GPHN: variants seen among roughly 807,000 people sequenced by gnomAD.
The protein encoded by GPHN is gephyrin.
Under a neutral mutation model 95.5 loss-of-function variants are expected in GPHN, and 17 were observed. The observed-to-expected ratio is 0.18, with a 90% confidence interval of 0.12 to 0.27. The LOEUF (loss-of-function observed/expected upper bound fraction) is 0.27. Among genes scored for constraint, GPHN ranks in the 10% least tolerant of loss-of-function variants. The probability of loss-of-function intolerance (pLI) is 1.00; values close to 1 mark genes in which losing one functional copy is unlikely to be tolerated. For synonymous variants in GPHN, 320 were observed against 322.5 expected (o/e 0.99, Z 0.08); for missense variants, 660 against 978.1 (o/e 0.67, Z 4.34).
chr14:67,280,820 C>A, the GPHN span, among the ~76,000 whole-genome samples: 278 of 125,824 alleles, frequency 2.2e-3, no homozygotes, highest in Non-Finnish European at 3.5e-3. Flanking sequence ...TCCTTCCTTC[C>A]TTCCTTCCTT....
intron 3 of GPHN, among the ~76,000 whole-genome samples, chr14:66,802,103 A>C (rs1240680392): frequency 6.6e-6 from 1 of 152,168 alleles, no homozygotes; most frequent in Non-Finnish European, 1.5e-5. Context: ...TCCAGGAGCC[A>C]GGGACTGAAG....
At chr14:66,727,763 T>G (rs1351390396) in intron 2 of GPHN, among the ~76,000 whole-genome samples, 1 of 152,120 alleles carries the variant, frequency 6.6e-6, no homozygotes, top group Non-Finnish European at 1.5e-5. Flanking sequence ...AAACAGAACA[T>G]AAAAGTTTGG....
At chr14:67,022,839 C>T (rs940678362) in intron 9 of GPHN, among the ~76,000 whole-genome samples, 5 of 151,734 alleles carry the variant, frequency 3.3e-5, no homozygotes, top group African/African-American at 1.2e-4. Context: ...AGCTTAAATA[C>T]AGTTTCTTTT....
chr14:67,603,400 A>G, the GPHN span, among the ~76,000 whole-genome samples: 2 of 152,282 alleles, frequency 1.3e-5, no homozygotes, highest in South Asian at 4.1e-4. Flanking sequence ...ATAGAGTTAT[A>G]GAAAGAAAAA....
chr14:67,693,067 G>A, the GPHN span: 1 of 1,569,112 alleles, frequency 6.4e-7, no homozygotes, highest in East Asian at 2.3e-5. Flanking sequence ...AGACAGAGAA[G>A]GAGAGCTCAT....
the GPHN span, chr14:67,317,621 C>A: frequency 1.9e-6 from 1 of 530,620 alleles, no homozygotes; most frequent in Non-Finnish European, 3.3e-6. Flanking sequence ...GTGAGTAAGG[C>A]AGTGTTTTGA....
At chr14:67,567,512 A>G in the GPHN span, among the ~76,000 whole-genome samples, 1 of 151,972 alleles carries the variant, frequency 6.6e-6, no homozygotes, top group Admixed American at 6.6e-5. Flanking sequence ...TTTATGCCGA[A>G]TTTTACTTGG....
At chr14:67,415,692 G>A in the GPHN span, among the ~76,000 whole-genome samples, 1 of 152,250 alleles carries the variant, frequency 6.6e-6, no homozygotes, top group Non-Finnish European at 1.5e-5. Context: ...GTTCATTGCA[G>A]CACTATTCAC....
chr14:67,364,592 C>A, the GPHN span: 1 of 591,688 alleles, frequency 1.7e-6, no homozygotes, highest in Non-Finnish European at 2.8e-6. Context: ...AAGCTTGGTT[C>A]CTGAACATTA....
At chr14:67,605,933 T>G in the GPHN span, among the ~76,000 whole-genome samples, 4 of 152,034 alleles carry the variant, frequency 2.6e-5, no homozygotes, top group African/African-American at 9.7e-5. Flanking sequence ...GCAACCTGCC[T>G]GCCTCGGCCT....
intron 2 of GPHN, among the ~76,000 whole-genome samples, chr14:66,728,056 G>C (rs2071412726): frequency 6.6e-6 from 1 of 152,168 alleles, no homozygotes; most frequent in Admixed American, 6.5e-5. Context: ...CTTTAGCCAT[G>C]GCTAACAGGG....
intron 3 of GPHN, among the ~76,000 whole-genome samples, chr14:66,790,507 A>C (rs569565065): frequency 2.6e-5 from 4 of 152,326 alleles, no homozygotes; most frequent in African/African-American, 9.6e-5. Context: ...TAATTTTTAG[A>C]GCTAAGTAGG....
At chr14:67,720,255 T>C in the GPHN span, among the ~76,000 whole-genome samples, 116 of 152,298 alleles carry the variant, frequency 7.6e-4, 1 homozygote, top group Admixed American at 3.3e-3. Flanking sequence ...CTTACTGATT[T>C]GTAAGAGTTC....
intron 5 of GPHN, among the ~76,000 whole-genome samples, chr14:66,909,074 A>C (rs1293615782): frequency 6.6e-6 from 1 of 152,162 alleles, no homozygotes; most frequent in Non-Finnish European, 1.5e-5. Flanking sequence ...ATATTGGCTC[A>C]TTAATTGCCA....
chr14:66,805,937 C>A (rs1275565675), intron 3 of GPHN, among the ~76,000 whole-genome samples: 1 of 152,178 alleles, frequency 6.6e-6, no homozygotes, highest in Non-Finnish European at 1.5e-5. Flanking sequence ...TAGGCACTGC[C>A]CCAGTAGGGA....
the GPHN span, among the ~76,000 whole-genome samples, chr14:67,261,455 C>T: frequency 2.6e-5 from 4 of 152,038 alleles, no homozygotes; most frequent in African/African-American, 4.8e-5. Context: ...ATTACAGTTA[C>T]GATTTTGAAA....
At chr14:66,548,444 G>T (rs1025235157) in intron 1 of GPHN, among the ~76,000 whole-genome samples, 4 of 152,000 alleles carry the variant, frequency 2.6e-5, no homozygotes, top group Admixed American at 2.0e-4. Flanking sequence ...GCCTCCCAAA[G>T]TGCTGGGATT....
intron 1 of GPHN, among the ~76,000 whole-genome samples, chr14:66,660,596 A>T (rs567256327): frequency 6.6e-6 from 1 of 152,258 alleles, no homozygotes; most frequent in Non-Finnish European, 1.5e-5. Flanking sequence ...GTGGGTTCAC[A>T]GTTCTTTTAT....
chr14:67,538,158 C>T, the GPHN span, among the ~76,000 whole-genome samples: 1 of 152,100 alleles, frequency 6.6e-6, no homozygotes, highest in African/African-American at 2.4e-5. Context: ...GCTCACTTCC[C>T]CTCTCTCATT....
Sources: allele counts gnomAD v4.1 joint callset (sites outside exome capture counted in the v4.1 genomes callset), GRCh38; gene constraint gnomAD v4.1.1; transcripts MANE v1.5; gene names NCBI Gene and HGNC (gene_info 2026-07-23, HGNC 2026-07-21).